The following MYZAP variants were observed in gnomAD, a reference collection of about 807,000 sequenced individuals.
MYZAP encodes the protein GRINL1A complex locus upstream.
A neutral mutation model predicts 69.4 loss-of-function variants in MYZAP; 66 were observed. The ratio of observed to expected loss-of-function variants is 0.95; its 90% confidence interval spans 0.78 to 1.17. The LOEUF (loss-of-function observed/expected upper bound fraction) is 1.17, where lower values mean the gene tolerates loss of function less well. Among genes scored for constraint, MYZAP ranks in the 50% most tolerant of loss-of-function variants. The probability of loss-of-function intolerance (pLI) is 0.00; values close to 1 mark genes in which losing one functional copy is unlikely to be tolerated. For synonymous variants in MYZAP, 256 were observed against 205.9 expected, an observed-to-expected ratio of 1.24 and a Z score of -2.09; for missense variants, 611 against 556.2, an observed-to-expected ratio of 1.10 and a Z score of -0.99.
chr15:57,597,791 G>A (rs1382204850), intron 1 of MYZAP, among the ~76,000 whole-genome samples: 1 of 152,200 alleles, frequency 6.6e-6, no homozygotes, highest in Non-Finnish European at 1.5e-5. Context: ...CAAGTTCAGG[G>A]CCACAGCAGA....
chr15:57,684,367 T>C, intron 12 of MYZAP, 35 bp from the exon 13 acceptor site: 1 of 1,473,680 alleles, frequency 6.8e-7, no homozygotes, highest in Non-Finnish European at 9.5e-7. Flanking sequence ...TTTGTTTTGT[T>C]TCATTTTCCT....
At chr15:57,622,542 C>T (rs1034324850) in intron 4 of MYZAP, among the ~76,000 whole-genome samples, 8 of 152,070 alleles carry the variant, frequency 5.3e-5, no homozygotes, top group African/African-American at 1.2e-4. Context: ...GAAACAGTAT[C>T]ATAGTGGCAC....
At chr15:57,641,987 T>G (rs1476258782) in intron 10 of MYZAP, among the ~76,000 whole-genome samples, 1 of 152,190 alleles carries the variant, frequency 6.6e-6, no homozygotes, top group Non-Finnish European at 1.5e-5. Context: ...ATGTCTTTGT[T>G]TTGTATTGTG....
chr15:57,594,541 T>C (rs1179919562), intron 1 of MYZAP, among the ~76,000 whole-genome samples: 1 of 152,220 alleles, frequency 6.6e-6, no homozygotes, highest in African/African-American at 2.4e-5. Context: ...AATCATGTAC[T>C]GCATAACCAC....
chr15:57,664,420 C>T (rs2038469346), intron 11 of MYZAP, among the ~76,000 whole-genome samples: 1 of 152,184 alleles, frequency 6.6e-6, no homozygotes, highest in Admixed American at 6.5e-5. Context: ...CATTCAAATA[C>T]TTGGTTTTCC....
intron 11 of MYZAP, among the ~76,000 whole-genome samples, chr15:57,666,857 T>A (rs1240017579): frequency 6.6e-6 from 1 of 152,176 alleles, no homozygotes; most frequent in Non-Finnish European, 1.5e-5. Flanking sequence ...ATAACAAAAA[T>A]ATGCCCATTC....
intron 5 of MYZAP, among the ~76,000 whole-genome samples, chr15:57,626,811 C>T (rs1187821403): frequency 1.3e-5 from 2 of 152,232 alleles, no homozygotes; most frequent in Non-Finnish European, 2.9e-5. Context: ...GCAGTGACAA[C>T]AGCAGGGCTC....
chr15:57,621,247 G>C (rs1595876465), intron 3 of MYZAP, among the ~76,000 whole-genome samples: 1 of 122,320 alleles, frequency 8.2e-6, no homozygotes, highest in Non-Finnish European at 1.6e-5. Flanking sequence ...GTCTTGCTCT[G>C]TCACCCAGGC....
At chr15:57,674,520 G>T (rs1487364067) in intron 11 of MYZAP, among the ~76,000 whole-genome samples, 2 of 152,132 alleles carry the variant, frequency 1.3e-5, no homozygotes, top group African/African-American at 2.4e-5. Context: ...TAAAAGTTGG[G>T]CTGTACCTTA....
chr15:57,664,185 A>G (rs1308709739), intron 11 of MYZAP, among the ~76,000 whole-genome samples: 1 of 152,044 alleles, frequency 6.6e-6, no homozygotes, highest in African/African-American at 2.4e-5. Flanking sequence ...TGAGATCCAA[A>G]AGAGAAAGGA....
intron 11 of MYZAP, among the ~76,000 whole-genome samples, chr15:57,662,188 T>G (rs2038344730): frequency 6.6e-6 from 1 of 152,192 alleles, no homozygotes. Context: ...TGGAAGAACT[T>G]TACAAGGAGA....
chr15:57,637,775 G>C lies in MYZAP; in HGVS notation c.1013+1G>C. On this transcript the variant is annotated splice_donor_variant, in intron 9 of 12. Coordinates refer to ENST00000267853, the MANE Select transcript of MYZAP (RefSeq NM_001018100.5). LOFTEE classifies it high-confidence loss of function. ...AGTTAACTGATTCTGACAAGGAAAG[G>C]TAAGACGTAATGCCTTTCGTCTTGT... The C allele has an allele frequency of 6.2e-7, 1 of 1,607,562 alleles. No homozygotes were observed. Among genetic ancestry groups the C allele is most frequent in the Non-Finnish European group, 8.5e-7 (1 of 1,176,360 alleles).
At chr15:57,623,252 T>G (rs942069446) in intron 4 of MYZAP, among the ~76,000 whole-genome samples, 4 of 152,202 alleles carry the variant, frequency 2.6e-5, no homozygotes, top group African/African-American at 7.2e-5. Flanking sequence ...GCTATTACTC[T>G]TACAGAGAAC....
At chr15:57,651,382 G>A (rs1378909015) in intron 10 of MYZAP, among the ~76,000 whole-genome samples, 1 of 152,144 alleles carries the variant, frequency 6.6e-6, no homozygotes, top group Admixed American at 6.5e-5. Context: ...CATTCCATCT[G>A]CCTCCTCTTG....
intron 11 of MYZAP, among the ~76,000 whole-genome samples, chr15:57,663,043 C>G (rs2038390407): frequency 6.6e-6 from 1 of 152,182 alleles, no homozygotes; most frequent in Non-Finnish European, 1.5e-5. Flanking sequence ...TTCTAAGATT[C>G]CTTTCTGAAA....
chr15:57,623,664 T>TGGA (rs2035952810), intron 4 of MYZAP, among the ~76,000 whole-genome samples: 1 of 148,872 alleles, frequency 6.7e-6, no homozygotes. Flanking sequence ...GCCTGGGAGG[T>TGGA]GGAGGTTGCA....
At chr15:57,648,185 T>G (rs2037545444) in intron 10 of MYZAP, 2 of 985,338 alleles carry the variant, frequency 2.0e-6, no homozygotes, top group Non-Finnish European at 2.4e-6. Flanking sequence ...AGCACAATTG[T>G]GGCAGCCTTT....
At chr15:57,661,312 C>T (rs2038290790) in intron 10 of MYZAP, 138 bp from the exon 11 acceptor site, 1 of 697,154 alleles carries the variant, frequency 1.4e-6, no homozygotes, top group Non-Finnish European at 2.4e-6. Flanking sequence ...GAAAACCATC[C>T]AGCCCCACTG....
chr15:57,671,385 T>G (rs2038859746), intron 11 of MYZAP, among the ~76,000 whole-genome samples: 1 of 152,172 alleles, frequency 6.6e-6, no homozygotes, highest in Non-Finnish European at 1.5e-5. Context: ...TTTATCCTGT[T>G]TGGGGTTTAC....
Sources: gnomAD v4.1 joint callset for allele counts (sites outside exome capture counted in the v4.1 genomes callset) on GRCh38, gnomAD v4.1.1 for gene constraint, MANE v1.5 for transcripts, NCBI Gene and HGNC (gene_info 2026-07-23, HGNC 2026-07-21) for gene names.